FAM135B: variants seen among roughly 807,000 people sequenced by gnomAD.
The protein encoded by FAM135B is family with sequence similarity 135 member B, also known as protein FAM135B.
FAM135B carries 43 observed loss-of-function variants against 127.7 expected under a neutral mutation model. The observed-to-expected ratio is 0.34, with a 90% CI of 0.26 to 0.43. FAM135B has a LOEUF of 0.43. Ranked by LOEUF, FAM135B falls within the 20% of genes least tolerant of loss-of-function variation. The pLI, the probability that FAM135B is intolerant of heterozygous loss-of-function variation, is 1.00. For missense variants in FAM135B, 1,558 were observed against 1,725.6 expected, an observed-to-expected ratio of 0.90 and a Z score of 1.72; for synonymous variants, 670 against 665.1, an observed-to-expected ratio of 1.01 and a Z score of -0.11.
chr8:138,433,413 T>C (rs1057221729), intron 1 of FAM135B, among the ~76,000 whole-genome samples: 1 of 48 alleles, frequency 0.021, no homozygotes, highest in Non-Finnish European at 0.083. Context: ...TCCCAGCTAC[T>C]CAGGAGGCTT....
At position 138,367,813 on chromosome 8, in the gene FAM135B, T is replaced by C. The variant is rs970890389; in HGVS notation, c.77+94A>G. 2.5e-5 allele frequency: 24 copies of C among 957,688 alleles called. No homozygotes were observed. In the South Asian group the frequency reaches 2.8e-4, roughly 11 times the overall value. The allele number at this position is 957,688 out of a possible 1,614,324, so 59.3% of individuals were successfully genotyped here. On this transcript the variant is annotated intron_variant, in intron 2 of 19. Coordinates refer to ENST00000395297, the MANE Select transcript of FAM135B (RefSeq NM_015912.4). ...TTCTTCGTTAGTCCCAAATTTCCTA[T>C]AATCTGACTTCCCCACCTCCACCTT...
At chr8:138,271,957 C>A (rs900703158) in intron 3 of FAM135B, among the ~76,000 whole-genome samples, 2 of 151,140 alleles carry the variant, frequency 1.3e-5, no homozygotes, top group Admixed American at 6.6e-5. Context: ...ATTGTTACAT[C>A]CTCAATGTCA....
rs75789033 is a variant in FAM135B at position 138,138,039 on chromosome 8, C to A, written c.3902-779G>T. On this transcript the variant is annotated intron_variant, in intron 18 of 19. Coordinates refer to ENST00000395297, the MANE Select transcript of FAM135B (RefSeq NM_015912.4). The stretch of plus-strand genomic sequence containing the variant: ...GGGGGCAGCCTACTTCAACAGCTGG[C>A]CAATACATGGGCGAGGAAGACAAAG... 3.3e-5 allele frequency among the ~76,000 whole-genome samples: 5 copies of A among 152,272 alleles called. No homozygotes were observed. The East Asian group carries it at 9.7e-4, about 29-fold the overall frequency.
At chr8:138,150,225 T>C (rs1269960823) in intron 13 of FAM135B, among the ~76,000 whole-genome samples, 1 of 152,192 alleles carries the variant, frequency 6.6e-6, no homozygotes, top group African/African-American at 2.4e-5. Context: ...AAGGTAAACT[T>C]AGAAGCCCCA....
intron 12 of FAM135B, among the ~76,000 whole-genome samples, chr8:138,165,924 G>C (rs898932003): frequency 6.6e-6 from 1 of 152,118 alleles, no homozygotes; most frequent in African/African-American, 2.4e-5. Context: ...ACTGCCCTTG[G>C]AAGTCACTTG....
chr8:138,386,224 CA>C (rs71274860), intron 1 of FAM135B, among the ~76,000 whole-genome samples: 37 of 141,594 alleles, frequency 2.6e-4, no homozygotes, highest in African/African-American at 3.1e-4. Context: ...CTCAAAAAAA[CA>C]AAAAAAAAAA....
At chr8:138,279,567 C>A (rs1409051747) in intron 3 of FAM135B, among the ~76,000 whole-genome samples, 1 of 152,232 alleles carries the variant, frequency 6.6e-6, no homozygotes, top group Admixed American at 6.5e-5. Context: ...GCTTTCCATG[C>A]ACTTGCAAAT....
chr8:138,161,199 T>G (rs1819353698), intron 12 of FAM135B, among the ~76,000 whole-genome samples: 1 of 150,204 alleles, frequency 6.7e-6, no homozygotes, highest in Non-Finnish European at 1.5e-5. Flanking sequence ...CTCTCCTTTG[T>G]GGCACTCAGA....
chr8:138,305,757 C>A (rs979756398), intron 3 of FAM135B, among the ~76,000 whole-genome samples: 10 of 152,064 alleles, frequency 6.6e-5, no homozygotes, highest in African/African-American at 2.4e-4. Flanking sequence ...CAGTTTTGAT[C>A]CAAATGTCAT....
At chr8:138,331,786 C>T (rs1006591544) in intron 2 of FAM135B, among the ~76,000 whole-genome samples, 1 of 152,124 alleles carries the variant, frequency 6.6e-6, no homozygotes, top group Non-Finnish European at 1.5e-5. Context: ...GTAAAATAAT[C>T]CAAATACATT....
At chr8:138,303,934 A>G (rs768503464) in intron 3 of FAM135B, among the ~76,000 whole-genome samples, 10 of 152,250 alleles carry the variant, frequency 6.6e-5, no homozygotes, top group Non-Finnish European at 1.2e-4. Flanking sequence ...GGGTGGACTC[A>G]GGTTTGGCCA....
At chr8:138,247,199 T>C (rs1172249328) in intron 6 of FAM135B, among the ~76,000 whole-genome samples, 1 of 152,236 alleles carries the variant, frequency 6.6e-6, no homozygotes, top group Non-Finnish European at 1.5e-5. Context: ...TTTGAGGGAC[T>C]GTTAGAAAGG....
chr8:138,226,185 G>GTGTGTGTGTGTGTGCGCGCGCA lies in FAM135B; in HGVS notation c.669+16756_669+16757insTGCGCGCGCACACACACACACA, dbSNP rs1491439764. On this transcript the variant is annotated intron_variant, in intron 7 of 19. Transcript: ENST00000395297. ...TGTGTGTGTGTGTGTGTGTGTGTGTGCGCGCATGTCATTTTTTTTTTCATT... is the reference window on the plus strand; with the variant it reads ...TGTGTGTGTGTGTGTGTGTGTGTGTGTGTGTGTGTGTGTGCGCGCGCACGCGCATGTCATTTTTTTTTTCATT... Among the ~76,000 whole-genome samples the GTGTGTGTGTGTGTGCGCGCGCA allele has an allele frequency of 5.2e-5, 5 of 96,818 alleles. No homozygotes were observed. In the East Asian group the frequency reaches 2.0e-3, roughly 39 times the overall value. 63.5% of individuals were successfully genotyped at this position (96,818 alleles called of 152,430 possible).
intron 3 of FAM135B, among the ~76,000 whole-genome samples, chr8:138,293,337 C>T (rs997435003): frequency 1.3e-5 from 2 of 152,018 alleles, no homozygotes; most frequent in African/African-American, 2.4e-5. Context: ...GGACATTGGC[C>T]TATGCAAAGA....
At chr8:138,495,243 A>T (rs1014226033) in intron 1 of FAM135B, among the ~76,000 whole-genome samples, 7 of 152,228 alleles carry the variant, frequency 4.6e-5, no homozygotes, top group African/African-American at 1.7e-4. Context: ...GTTAGTTAGT[A>T]TCCCCATTCT....
chr8:138,209,637 A>G (rs1817983541), intron 7 of FAM135B, among the ~76,000 whole-genome samples: 1 of 152,182 alleles, frequency 6.6e-6, no homozygotes, highest in Non-Finnish European at 1.5e-5. Flanking sequence ...GCAACATATT[A>G]GCTATGTCCA....
intron 3 of FAM135B, among the ~76,000 whole-genome samples, chr8:138,309,554 A>G (rs1826506957): frequency 6.6e-6 from 1 of 152,156 alleles, no homozygotes; most frequent in African/African-American, 2.4e-5. Context: ...CTCATGTTCT[A>G]TCATGTGGCC....
At chr8:138,416,234 A>C (rs1198801903) in intron 1 of FAM135B, among the ~76,000 whole-genome samples, 1 of 152,224 alleles carries the variant, frequency 6.6e-6, no homozygotes, top group African/African-American at 2.4e-5. Flanking sequence ...GAGAGGTTAA[A>C]GCACAGGAGC....
At chr8:138,164,648 C>T (rs1352442031) in intron 12 of FAM135B, among the ~76,000 whole-genome samples, 1 of 152,192 alleles carries the variant, frequency 6.6e-6, no homozygotes, top group East Asian at 1.9e-4. Context: ...CTTATCTATC[C>T]ATTACCTGAA....
Sources: allele counts gnomAD v4.1 joint callset (sites outside exome capture counted in the v4.1 genomes callset), GRCh38; gene constraint gnomAD v4.1.1; transcripts MANE v1.5; gene names NCBI Gene and HGNC (gene_info 2026-07-23, HGNC 2026-07-21).